The following MBNL3 variants were observed in gnomAD, a reference collection of about 807,000 sequenced individuals.
MBNL3 encodes muscleblind-like protein 3.
In MBNL3, 6 loss-of-function variants were observed where a neutral mutation model predicts 24.5. The ratio of observed to expected loss-of-function variants is 0.25; its 90% CI spans 0.13 to 0.48. The LOEUF (loss-of-function observed/expected upper bound fraction) is 0.48. Ranked by LOEUF, MBNL3 falls within the 20% of genes least tolerant of loss-of-function variation. The probability of loss-of-function intolerance (pLI) is 0.99; values close to 1 mark genes in which losing one functional copy is unlikely to be tolerated. For missense variants in MBNL3, 230 were observed against 293.5 expected (o/e 0.78, Z 1.58); for synonymous variants, 100 against 101.7 (o/e 0.98, Z 0.10).
chrX:132,438,595 T>G (rs1002944157), intron 2 of MBNL3, among the ~76,000 whole-genome samples: 10 of 110,279 alleles, frequency 9.1e-5, no homozygotes, highest in African/African-American at 3.3e-4. Context: ...CCATTATAAT[T>G]TATTGCTTCT....
chrX:132,445,345 C>T (rs1459622362), intron 1 of MBNL3, among the ~76,000 whole-genome samples: 3 of 110,510 alleles, frequency 2.7e-5, no homozygotes, highest in African/African-American at 9.9e-5. Context: ...TGGTCCACCA[C>T]CACACGTTCT....
intron 1 of MBNL3, among the ~76,000 whole-genome samples, chrX:132,449,464 C>CTTTTTTTT (rs751006249): frequency 4.0e-4 from 12 of 29,783 alleles, no homozygotes; most frequent in African/African-American, 1.1e-3. Context: ...GCAACCCCTG[C>CTTTTTTTT]TTTTTTTTTT....
At chrX:132,468,892 T>C (rs1265684402) in intron 1 of MBNL3, among the ~76,000 whole-genome samples, 1 of 112,627 alleles carries the variant, frequency 8.9e-6, no homozygotes, top group Admixed American at 9.4e-5. Flanking sequence ...TAATAAAGAT[T>C]ACTCAAAGTT....
chrX:132,451,932 GAC>G (rs1422889108), intron 1 of MBNL3, among the ~76,000 whole-genome samples: 15 of 111,698 alleles, frequency 1.3e-4, no homozygotes, highest in African/African-American at 4.9e-4. Flanking sequence ...GGAGTTCCCT[GAC>G]CCTTTGTGCT....
At chrX:132,456,306 T>A (rs1029463793) in intron 1 of MBNL3, among the ~76,000 whole-genome samples, 4 of 112,306 alleles carry the variant, frequency 3.6e-5, no homozygotes, top group South Asian at 3.7e-4. Flanking sequence ...TAAGTAAGAA[T>A]TCTAAGAGTG....
intron 2 of MBNL3, among the ~76,000 whole-genome samples, chrX:132,412,871 A>G (rs1324609233): frequency 8.9e-6 from 1 of 112,535 alleles, no homozygotes. Context: ...AAACACAACG[A>G]AGCACATTGG....
chrX:132,454,105 A>T lies in MBNL3; in HGVS notation c.-703-13791T>A, dbSNP rs773228827. 2.7e-5 allele frequency among the ~76,000 whole-genome samples: 3 copies of T among 111,275 alleles called. No individual in the cohort carries two copies. The South Asian group carries it at 1.1e-3, about 43-fold the overall frequency. ...AAATTCTGTCTCAAAAAGAAAAAGAAAAAAGAAAGTGTTCATGGTTCTCCC... is the reference window on the plus strand; with the variant it reads ...AAATTCTGTCTCAAAAAGAAAAAGATAAAAGAAAGTGTTCATGGTTCTCCC... On this transcript the variant is annotated intron_variant, in intron 1 of 8. Transcript: ENST00000370853.
At chrX:132,382,746 G>A (rs764979066) in intron 7 of MBNL3, among the ~76,000 whole-genome samples, 3 of 112,006 alleles carry the variant, frequency 2.7e-5, no homozygotes, top group African/African-American at 6.5e-5. Context: ...CATGAATGCC[G>A]TCACTAGATT....
intron 1 of MBNL3, among the ~76,000 whole-genome samples, chrX:132,443,984 T>TCCCCCCCCCCCCCCCCCCCCCCCCC (rs762809506): frequency 1.6e-4 from 1 of 6,149 alleles, no homozygotes; most frequent in Non-Finnish European, 2.8e-4. Flanking sequence ...GACTCCAGAG[T>TCCCCCCCCCCCCCCCCCCCCCCCCC]CCGCCCCCCC....
chrX:132,372,953 C>G lies in MBNL3; in HGVS notation c.*6713G>C, dbSNP rs1160127409. ...TGAGTATTAGTGATTCTCTTACAGGCAAGAACAAGTAGAAGAGCTGGAAAC... is the reference window on the plus strand; with the variant it reads ...TGAGTATTAGTGATTCTCTTACAGGGAAGAACAAGTAGAAGAGCTGGAAAC... On this transcript the variant is annotated 3_prime_UTR_variant, in exon 9 of 9. Transcript: ENST00000370853. The G allele has an allele frequency of 9.1e-6, 1 of 110,101 alleles. No individual in the cohort carries two copies. The highest frequency in any genetic ancestry group is 3.3e-5 in the African/African-American group (1 of 30,237). The allele number at this position is 110,101 out of a possible 1,213,427, so 9.1% of individuals were successfully genotyped here. A position where few individuals can be genotyped will look rare whatever the true frequency, so the allele number is the denominator to read the frequency against.
chrX:132,428,912 A>G (rs1337189271), intron 2 of MBNL3, among the ~76,000 whole-genome samples: 1 of 112,789 alleles, frequency 8.9e-6, no homozygotes, highest in Non-Finnish European at 1.9e-5. Flanking sequence ...GATCAGATGT[A>G]TATTACCCTA....
rs374759674 is a variant in MBNL3 at position 132,396,677 on chromosome X, CAT to C, written c.343-4345_343-4344del. Among the ~76,000 whole-genome samples, 11 of 3,304 alleles carry C rather than the reference CAT, an allele frequency of 3.3e-3. 1 individual carries two copies. Among genetic ancestry groups the C allele is most frequent in the African/African-American group, 0.01 (6 of 590 alleles). 2.9% of individuals were successfully genotyped at this position (3,304 alleles called of 115,157 possible). A position where few individuals can be genotyped will look rare whatever the true frequency, so the allele number is the denominator to read the frequency against. On this transcript the variant is annotated intron_variant, in intron 3 of 8. Coordinates refer to ENST00000370853, the MANE Select transcript of MBNL3 (RefSeq NM_001386889.1). ...ACATATATATTCACATATATATATT[CAT>C]ATATATATATTCATATATATATTCA... is the stretch of plus-strand genomic sequence containing the variant.
intron 1 of MBNL3, among the ~76,000 whole-genome samples, chrX:132,472,974 G>T (rs1037146807): frequency 9.0e-6 from 1 of 111,600 alleles, no homozygotes; most frequent in African/African-American, 3.3e-5. Context: ...TGGTAACACA[G>T]AACACGGACT....
intron 3 of MBNL3, among the ~76,000 whole-genome samples, chrX:132,398,412 C>T (rs1426106381): frequency 2.7e-5 from 3 of 111,089 alleles, no homozygotes; most frequent in African/African-American, 9.8e-5. Context: ...TGGTGACCAC[C>T]GTGTAATAAT....
intron 1 of MBNL3, among the ~76,000 whole-genome samples, chrX:132,443,937 G>A (rs967350804): frequency 1.1e-5 from 1 of 91,414 alleles, no homozygotes; most frequent in African/African-American, 4.3e-5. Context: ...CATGAAGCTA[G>A]CAGGTCATCA....
chrX:132,397,084 CAT>C (rs1939893483), intron 3 of MBNL3, among the ~76,000 whole-genome samples: 1 of 102,963 alleles, frequency 9.7e-6, no homozygotes, highest in Non-Finnish European at 2.0e-5. Context: ...TGTTCTTTTA[CAT>C]AGTTACTAAT....
chrX:132,404,361 C>T (rs1279236343), intron 3 of MBNL3, among the ~76,000 whole-genome samples: 1 of 112,134 alleles, frequency 8.9e-6, no homozygotes, highest in Non-Finnish European at 1.9e-5. Flanking sequence ...TAACAATTTT[C>T]AGTATCCAAA....
chrX:132,430,412 C>CTAAT (rs921428319), intron 2 of MBNL3: 7 of 111,438 alleles, frequency 6.3e-5, no homozygotes, highest in African/African-American at 2.3e-4. Context: ...AATTTTCTTC[C>CTAAT]TAATGTTCTT....
chrX:132,392,166 G>C lies in MBNL3; in HGVS notation c.511C>G (p.Leu171Val). The C allele has an allele frequency of 8.3e-7, 1 of 1,207,297 alleles. No individual in the cohort carries two copies. The highest frequency in any genetic ancestry group is 1.1e-6 in the Non-Finnish European group (1 of 893,586). ...LAMPGAVGPKLMRSDKLEVCR... is the reference protein window; with the variant it reads ...LAMPGAVGPKVMRSDKLEVCR... The stretch of plus-strand genomic sequence containing the variant: ...ACCTCCAGTTTATCTGAACGCATCA[G>C]TTTTGGGCCAACAGCTCCTGGCATT... The change falls in exon 4 of 9, where the codon CTG becomes GTG. Residue 171 changes from leucine to valine, a missense_variant. By Grantham distance (32) the Leu-to-Val change is conservative. Transcript: ENST00000370853.
Sources: gnomAD v4.1 joint callset for allele counts (sites outside exome capture counted in the v4.1 genomes callset) on GRCh38, gnomAD v4.1.1 for gene constraint, MANE v1.5 for transcripts, NCBI Gene and HGNC (gene_info 2026-07-23, HGNC 2026-07-21) for gene names.